PDE7B: variants seen among roughly 807,000 people sequenced by gnomAD.
The protein encoded by PDE7B is 3',5'-cyclic-AMP phosphodiesterase 7B.
In PDE7B, 29 loss-of-function variants were observed where a neutral mutation model predicts 56.2. The ratio of observed to expected loss-of-function variants is 0.52; its 90% CI spans 0.38 to 0.70. The LOEUF (loss-of-function observed/expected upper bound fraction) is 0.70. PDE7B is among the 30% of genes least tolerant of loss of function. The probability of loss-of-function intolerance (pLI) is 0.00; values close to 1 mark genes in which losing one functional copy is unlikely to be tolerated. For missense variants in PDE7B, 490 were observed against 565.0 expected (o/e 0.87, Z 1.35); for synonymous variants, 197 against 196.9 (o/e 1.00, Z 0.00).
intron 1 of PDE7B, among the ~76,000 whole-genome samples, chr6:135,857,605 C>A (rs777843027): frequency 2.6e-5 from 4 of 152,110 alleles, no homozygotes; most frequent in Non-Finnish European, 5.9e-5. Flanking sequence ...GTTTTACATT[C>A]TCTTTGACTC....
At chr6:136,066,913 A>G (rs1429582086) in intron 2 of PDE7B, among the ~76,000 whole-genome samples, 1 of 150,390 alleles carries the variant, frequency 6.6e-6, no homozygotes, top group African/African-American at 2.5e-5. Flanking sequence ...GCACAGTGGC[A>G]CAATAGATGG....
At chr6:136,086,371 G>A (rs1276219500) in intron 2 of PDE7B, among the ~76,000 whole-genome samples, 2 of 151,710 alleles carry the variant, frequency 1.3e-5, no homozygotes, top group Admixed American at 6.6e-5. Flanking sequence ...TTTTTGGGGT[G>A]GGGGGGATTT....
chr6:135,893,272 T>A (rs1208313714), intron 1 of PDE7B, among the ~76,000 whole-genome samples: 4 of 135,268 alleles, frequency 3.0e-5, no homozygotes, highest in African/African-American at 1.1e-4. Flanking sequence ...CCTGTGTCCA[T>A]GTGTTCTCAT....
At chr6:136,130,382 C>T (rs564794454) in intron 3 of PDE7B, among the ~76,000 whole-genome samples, 37 of 152,202 alleles carry the variant, frequency 2.4e-4, no homozygotes, top group African/African-American at 8.9e-4. Context: ...CTGACCACAC[C>T]CCCTACATAT....
In PDE7B at chr6:136,155,772, A is replaced by G. The variant is rs751005339; in HGVS notation, c.711+14A>G. On this transcript the variant is annotated intron_variant, in intron 8 of 12. Coordinates refer to ENST00000308191, the MANE Select transcript of PDE7B (RefSeq NM_018945.4). ...AACCTATATCAGGTAAGGGAGCCCAACCTGGAGCCAGCCACAGTATGGTCA... is the reference window on the plus strand; with the variant it reads ...AACCTATATCAGGTAAGGGAGCCCAGCCTGGAGCCAGCCACAGTATGGTCA... 8.7e-6 allele frequency: 14 copies of G among 1,613,680 alleles called. No individual in the cohort carries two copies. The highest frequency in any genetic ancestry group is 6.7e-5 in the Admixed American group (4 of 59,972).
At chr6:136,075,905 G>C (rs983492331) in intron 2 of PDE7B, among the ~76,000 whole-genome samples, 1 of 152,068 alleles carries the variant, frequency 6.6e-6, no homozygotes, top group African/African-American at 2.4e-5. Flanking sequence ...TCTGTGACTT[G>C]ACTTCTACAT....
At chr6:136,101,440 G>A (rs1223111519) in intron 2 of PDE7B, among the ~76,000 whole-genome samples, 1 of 152,086 alleles carries the variant, frequency 6.6e-6, no homozygotes, top group Non-Finnish European at 1.5e-5. Flanking sequence ...CTCAATTTCA[G>A]AACCTGTTAT....
At chr6:135,937,489 G>A (rs971281489) in intron 1 of PDE7B, among the ~76,000 whole-genome samples, 1 of 152,078 alleles carries the variant, frequency 6.6e-6, no homozygotes, top group African/African-American at 2.4e-5. Context: ...TGCATCAACA[G>A]TTTCTCATTC....
At chr6:136,119,291 G>A (rs575020164) in intron 3 of PDE7B, among the ~76,000 whole-genome samples, 2 of 152,208 alleles carry the variant, frequency 1.3e-5, no homozygotes, top group African/African-American at 2.4e-5. Flanking sequence ...GCCAAAATCC[G>A]AACAAGGGTT....
intron 1 of PDE7B, among the ~76,000 whole-genome samples, chr6:135,937,630 G>A (rs1196338200): frequency 6.6e-6 from 1 of 152,182 alleles, no homozygotes; most frequent in Non-Finnish European, 1.5e-5. Context: ...CCATCAGGAT[G>A]TAGCCAGTTT....
At chr6:136,038,335 G>A in intron 2 of PDE7B, 26 of 1,292,374 alleles carry the variant, frequency 2.0e-5, no homozygotes, top group Middle Eastern at 4.3e-4. Context: ...AGCTAGGCAG[G>A]AGGTGGACAG....
intron 3 of PDE7B, among the ~76,000 whole-genome samples, chr6:136,122,351 C>T (rs529330173): frequency 2.0e-4 from 31 of 152,232 alleles, no homozygotes; most frequent in Non-Finnish European, 1.6e-4. Flanking sequence ...TATAGACAAA[C>T]GCATTTTCTT....
chr6:135,942,841 A>G (rs1413557375), intron 1 of PDE7B, among the ~76,000 whole-genome samples: 2 of 151,644 alleles, frequency 1.3e-5, no homozygotes, highest in Non-Finnish European at 2.9e-5. Flanking sequence ...TCTTTTTTCA[A>G]GAGTTAATAA....
intron 3 of PDE7B, among the ~76,000 whole-genome samples, chr6:136,139,784 G>C (rs1778285813): frequency 6.6e-6 from 1 of 152,190 alleles, no homozygotes; most frequent in Non-Finnish European, 1.5e-5. Context: ...AGAAGTGTCT[G>C]TTCATATCCT....
At chr6:135,894,635 A>G (rs1216897388) in intron 1 of PDE7B, among the ~76,000 whole-genome samples, 1 of 152,200 alleles carries the variant, frequency 6.6e-6, no homozygotes, top group Non-Finnish European at 1.5e-5. Context: ...ACACATGCCA[A>G]ATTGCATTAT....
intron 11 of PDE7B, among the ~76,000 whole-genome samples, chr6:136,183,375 T>C (rs998710434): frequency 1.1e-4 from 16 of 151,882 alleles, no homozygotes; most frequent in Admixed American, 2.6e-4. Context: ...GGGCGGATCA[T>C]GAGGTCAGGA....
At chr6:135,975,137 G>GT (rs943713568) in intron 2 of PDE7B, among the ~76,000 whole-genome samples, 1,695 of 148,026 alleles carry the variant, frequency 0.011, 15 homozygotes, top group Middle Eastern at 0.042. Flanking sequence ...AACTCCAGTC[G>GT]TTTTTTTTTT....
chr6:136,175,281 CATT>C (rs1438711057), intron 9 of PDE7B, among the ~76,000 whole-genome samples: 4 of 152,150 alleles, frequency 2.6e-5, no homozygotes, highest in African/African-American at 9.7e-5. Flanking sequence ...TTATCATAAT[CATT>C]ATTATTCCTT....
At chr6:135,980,608 C>T (rs969909829) in intron 2 of PDE7B, among the ~76,000 whole-genome samples, 1 of 152,122 alleles carries the variant, frequency 6.6e-6, no homozygotes, top group African/African-American at 2.4e-5. Flanking sequence ...ACAACCCCAT[C>T]AAAGAGTGGG....
Sources: gnomAD v4.1 joint callset for allele counts (sites outside exome capture counted in the v4.1 genomes callset) on GRCh38, gnomAD v4.1.1 for gene constraint, MANE v1.5 for transcripts, NCBI Gene and HGNC (gene_info 2026-07-23, HGNC 2026-07-21) for gene names.